The following NT5M variants were observed in gnomAD, a reference collection of about 807,000 sequenced individuals.
NT5M encodes 5'(3')-deoxyribonucleotidase, mitochondrial.
A neutral mutation model predicts 22.2 loss-of-function variants in NT5M; 22 were observed. The ratio of observed to expected loss-of-function variants is 0.99; its 90% confidence interval spans 0.71 to 1.41. The LOEUF is 1.41. Among genes scored for constraint, NT5M ranks in the 40% most tolerant of loss-of-function variants. The pLI is 0.00. For missense variants in NT5M, 322 were observed against 314.8 expected (o/e 1.02, Z -0.17); for synonymous variants, 167 against 133.0 (o/e 1.26, Z -1.76).
At chr17:17,320,806 G>A (rs2145366392) in intron 2 of NT5M, among the ~76,000 whole-genome samples, 1 of 152,354 alleles carries the variant, frequency 6.6e-6, no homozygotes, top group South Asian at 2.1e-4. Flanking sequence ...AGGAGGCCAG[G>A]AGCGCAGGCT....
intron 2 of NT5M, 53 bp from the exon 3 acceptor site, chr17:17,323,132 G>C: frequency 2.0e-6 from 3 of 1,483,784 alleles, no homozygotes; most frequent in Non-Finnish European, 2.8e-6. Context: ...TGAAGGCCTC[G>C]GGGTGGTGAA....
intron 2 of NT5M, among the ~76,000 whole-genome samples, chr17:17,308,377 A>G (rs1468980156): frequency 6.6e-6 from 1 of 152,064 alleles, no homozygotes; most frequent in Non-Finnish European, 1.5e-5. Context: ...GCGGATCAAG[A>G]GGTCAGGAGT....
intron 3 of NT5M, 79 bp from the exon 4 acceptor site, chr17:17,344,715 C>T (rs1475084198): frequency 1.9e-6 from 3 of 1,550,740 alleles, no homozygotes; most frequent in Non-Finnish European, 2.6e-6. Context: ...TAGGCTGACC[C>T]CTGCCCTCGG....
At chr17:17,342,774 T>G (rs1235033624) in intron 3 of NT5M, among the ~76,000 whole-genome samples, 1 of 152,212 alleles carries the variant, frequency 6.6e-6, no homozygotes, top group East Asian at 1.9e-4. Context: ...GAGGCCTCTG[T>G]GTGAGGTTGG....
chr17:17,323,192 G>A lies in NT5M; in HGVS notation c.376G>A (p.Val126Ile), dbSNP rs772673900. ...CCTTTCTCTTGTTGACAGCACTGAC[G>A]TCTTCATCTGCACAAGCCCCATCAA... ...KEMASLQNTDVFICTSPIKMF... is the reference protein window; with the variant it reads ...KEMASLQNTDIFICTSPIKMF... The change falls in exon 3 of 5, where the codon GTC (valine) becomes ATC (isoleucine). Residue 126 changes from valine (V) to isoleucine (I), a missense_variant. Coordinates refer to ENST00000389022, the MANE Select transcript of NT5M (RefSeq NM_020201.4). The A allele has an allele frequency of 8.1e-6, 13 of 1,613,938 alleles. No homozygotes were observed. The highest frequency in any genetic ancestry group is 5.0e-5 in the Admixed American group (3 of 60,002).
intron 1 of NT5M, 111 bp downstream of exon 1, chr17:17,303,928 C>T (rs994470399): frequency 2.0e-5 from 26 of 1,318,032 alleles, no homozygotes; most frequent in Non-Finnish European, 2.4e-5. Context: ...CGGGGTGGCC[C>T]TCTGATAGAA....
intron 2 of NT5M, among the ~76,000 whole-genome samples, chr17:17,312,753 G>C (rs1374563710): frequency 6.6e-6 from 1 of 151,588 alleles, no homozygotes; most frequent in Non-Finnish European, 1.5e-5. Context: ...GAGCTCAGGA[G>C]TTTGAGACCA....
rs1007427538 is a variant in NT5M at position 17,314,180 on chromosome 17, C to T, written c.368+7537C>T. ...TCTGGAGTACCTGGGATTACGGGCG[C>T]CCGCCACCACGCCCGGCTAATTTTT... is the stretch of plus-strand genomic sequence containing the variant. On this transcript the variant is annotated intron_variant, in intron 2 of 4. Coordinates refer to ENST00000389022, the MANE Select transcript of NT5M (RefSeq NM_020201.4). Among the ~76,000 whole-genome samples the T allele has an allele frequency of 7.9e-5, 12 of 151,864 alleles. No homozygotes were observed. In the South Asian group the frequency reaches 2.5e-3, roughly 32 times the overall value.
At chr17:17,306,696 C>T (rs1343603616) in intron 2 of NT5M, 53 bp downstream of exon 2, 5 of 1,179,228 alleles carry the variant, frequency 4.2e-6, no homozygotes, top group Non-Finnish European at 6.4e-6. Flanking sequence ...GCCACTGAGC[C>T]CTGTACCTCC....
At chr17:17,327,229 C>T (rs759790916) in intron 3 of NT5M, among the ~76,000 whole-genome samples, 1 of 103,944 alleles carries the variant, frequency 9.6e-6, no homozygotes, top group African/African-American at 3.3e-5. Context: ...TTCTTTGATG[C>T]GTATTAAATA....
At chr17:17,305,603 CGGCCGTCCATGTGACAGGGT>C in intron 1 of NT5M, among the ~76,000 whole-genome samples, 1 of 152,182 alleles carries the variant, frequency 6.6e-6, no homozygotes, top group South Asian at 2.1e-4. Context: ...GGGCATCCTC[CGGCCGTCCATGTGACAGGGT>C]GGCTGTCTTT....
chr17:17,304,210 GGT>G (rs10617184), intron 1 of NT5M, among the ~76,000 whole-genome samples: 4,099 of 152,186 alleles, frequency 0.027, 178 homozygotes, highest in African/African-American at 0.093. Flanking sequence ...GACTTTGATG[GGT>G]GTCTTTACCC....
chr17:17,345,347 C>T (rs1392445678), intron 4 of NT5M: 4 of 855,386 alleles, frequency 4.7e-6, no homozygotes, highest in South Asian at 5.1e-5. Flanking sequence ...TCCCCAAAAC[C>T]AAACAAGCCA....
intron 2 of NT5M, among the ~76,000 whole-genome samples, chr17:17,317,055 G>GT (rs34446504): frequency 0.61 from 80,529 of 132,008 alleles, 25,351 homozygotes; most frequent in East Asian, 0.78. Context: ...TTTTGTTTTT[G>GT]TTTTTTTTTT....
intron 3 of NT5M, among the ~76,000 whole-genome samples, chr17:17,328,443 C>A (rs1271219775): frequency 6.6e-6 from 1 of 152,188 alleles, no homozygotes; most frequent in East Asian, 1.9e-4. Context: ...CCCCCTCACC[C>A]ACCGTTTGTG....
At position 17,346,820 on chromosome 17, in the gene NT5M, C is replaced by T; in HGVS notation, c.560C>T (p.Pro187Leu). 1 of 1,607,766 alleles carries T rather than the reference C, an allele frequency of 6.2e-7. No individual in the cohort carries two copies. Among genetic ancestry groups the T allele is most frequent in the Non-Finnish European group, 8.5e-7 (1 of 1,179,930 alleles). Reference sequence around the variant, plus strand: ...CCACCCACAGGGGCCGAGCCAACCCCCAGCTGGGAGCATGTCCTCTTCACC... The same window carrying T: ...CCACCCACAGGGGCCGAGCCAACCCTCAGCTGGGAGCATGTCCTCTTCACC... ...RPDITGAEPTPSWEHVLFTAC... is the reference protein window; with the variant it reads ...RPDITGAEPTLSWEHVLFTAC... The change falls in exon 5 of 5, where the codon CCC (proline) becomes CTC (leucine). Residue 187 changes from proline to leucine, a missense_variant. Physicochemically the swap from Pro to Leu is moderately conservative, Grantham distance 98. Transcript: ENST00000389022.
intron 2 of NT5M, among the ~76,000 whole-genome samples, chr17:17,308,320 G>A (rs192348596): frequency 3.3e-5 from 5 of 152,214 alleles, no homozygotes; most frequent in East Asian, 3.9e-4. Context: ...CCAGCTGGGC[G>A]CCGTGGCTCA....
At chr17:17,311,194 T>C (rs1048072090) in intron 2 of NT5M, among the ~76,000 whole-genome samples, 9 of 151,836 alleles carry the variant, frequency 5.9e-5, no homozygotes, top group African/African-American at 2.2e-4. Context: ...AATAATTAGC[T>C]GGGTGTGGTG....
intron 4 of NT5M, among the ~76,000 whole-genome samples, chr17:17,345,993 C>T (rs1049470537): frequency 2.6e-5 from 4 of 152,158 alleles, no homozygotes; most frequent in African/African-American, 7.2e-5. Context: ...TCCTGGTAGC[C>T]GTCAGTAGTT....
Sources: allele counts gnomAD v4.1 joint callset (sites outside exome capture counted in the v4.1 genomes callset), GRCh38; gene constraint gnomAD v4.1.1; transcripts MANE v1.5; gene names NCBI Gene and HGNC (gene_info 2026-07-23, HGNC 2026-07-21).